Variants in ENPP6 observed in about 807,000 individuals in gnomAD.
ENPP6 encodes ectonucleotide pyrophosphatase/phosphodiesterase 6, also known as glycerophosphocholine cholinephosphodiesterase ENPP6.
ENPP6 carries 32 observed loss-of-function variants against 42.0 expected under a neutral mutation model. The observed-to-expected ratio is 0.76, with a 90% confidence interval of 0.58 to 1.02. ENPP6 has a LOEUF of 1.02. Among genes scored for constraint, ENPP6 ranks in the 50% least tolerant of loss-of-function variants. The probability of loss-of-function intolerance (pLI) is 0.00; values close to 1 mark genes in which losing one functional copy is unlikely to be tolerated. For synonymous variants in ENPP6, 213 were observed against 216.0 expected (o/e 0.99, Z 0.12); for missense variants, 552 against 566.8 (o/e 0.97, Z 0.27).
At chr4:184,185,039 A>G (rs1732608554) in intron 1 of ENPP6, among the ~76,000 whole-genome samples, 1 of 152,208 alleles carries the variant, frequency 6.6e-6, no homozygotes, top group Non-Finnish European at 1.5e-5. Context: ...ATGAGAGATA[A>G]TCAAAGAATT....
chr4:184,214,537 A>T (rs1561014629), intron 1 of ENPP6, among the ~76,000 whole-genome samples: 1 of 152,208 alleles, frequency 6.6e-6, no homozygotes, highest in Non-Finnish European at 1.5e-5. Context: ...TCCAGCCCTA[A>T]CTTTAAAATT....
chr4:184,140,120 A>AT (rs1256690955), intron 2 of ENPP6, among the ~76,000 whole-genome samples: 5 of 151,196 alleles, frequency 3.3e-5, no homozygotes, highest in African/African-American at 1.2e-4. Flanking sequence ...GATGGTGAGC[A>AT]TTTTTTCATG....
At chr4:184,214,690 A>G (rs968242907) in intron 1 of ENPP6, among the ~76,000 whole-genome samples, 1 of 152,232 alleles carries the variant, frequency 6.6e-6, no homozygotes, top group Non-Finnish European at 1.5e-5. Context: ...AGAGACATGG[A>G]TGAAGCTAGA....
At chr4:184,165,342 C>A (rs548179073) in intron 1 of ENPP6, among the ~76,000 whole-genome samples, 6 of 152,190 alleles carry the variant, frequency 3.9e-5, no homozygotes, top group Non-Finnish European at 8.8e-5. Flanking sequence ...TTCAAAGTGG[C>A]TGAGTGAGGA....
At chr4:184,167,816 G>A (rs1737377912) in intron 1 of ENPP6, among the ~76,000 whole-genome samples, 1 of 152,166 alleles carries the variant, frequency 6.6e-6, no homozygotes, top group Admixed American at 6.5e-5. Context: ...ATGATCACCG[G>A]TGATCTGCAT....
At chr4:184,190,075 TA>T (rs1732693059) in intron 1 of ENPP6, among the ~76,000 whole-genome samples, 1 of 152,184 alleles carries the variant, frequency 6.6e-6, no homozygotes, top group African/African-American at 2.4e-5. Flanking sequence ...GCAGGGGTGC[TA>T]AAATAGAAAA....
At chr4:184,134,737 C>A (rs1736704472) in intron 2 of ENPP6, among the ~76,000 whole-genome samples, 1 of 150,998 alleles carries the variant, frequency 6.6e-6, no homozygotes. Flanking sequence ...TTATTCATTT[C>A]TGCTCATCAT....
In ENPP6 at chr4:184,166,826, G is replaced by A. The variant is rs1429770205; in HGVS notation, c.242-13093C>T. Among the ~76,000 whole-genome samples the A allele has an allele frequency of 3.9e-5, 6 of 152,224 alleles. No individual in the cohort carries two copies. In the South Asian group the frequency reaches 1.2e-3, roughly 31 times the overall value. ...CCTCCGTCTTCTGGCTCGTGATAAA[G>A]CTTCCTTTTCCCACCCACTGTGCTC... On this transcript the variant is annotated intron_variant, in intron 1 of 7. Transcript: ENST00000296741.
intron 2 of ENPP6, among the ~76,000 whole-genome samples, chr4:184,139,101 G>C (rs932963472): frequency 2.6e-5 from 4 of 152,208 alleles, no homozygotes; most frequent in African/African-American, 9.6e-5. Context: ...ATGGAGACTG[G>C]ACAGGTGCAA....
At chr4:184,194,208 C>CCGCAAGCGT (rs1315788912) in intron 1 of ENPP6, among the ~76,000 whole-genome samples, 1 of 152,198 alleles carries the variant, frequency 6.6e-6, no homozygotes, top group East Asian at 1.9e-4. Context: ...CCTGAATGTC[C>CCGCAAGCGT]CGCAAGCGTC....
chr4:184,212,178 C>G (rs1227306483), intron 1 of ENPP6, among the ~76,000 whole-genome samples: 86 of 150,712 alleles, frequency 5.7e-4, no homozygotes, highest in African/African-American at 1.8e-3. Context: ...AAAACTGGCA[C>G]AAGACAGGGA....
intron 2 of ENPP6, among the ~76,000 whole-genome samples, chr4:184,127,626 G>A (rs1427336042): frequency 2.0e-5 from 3 of 152,276 alleles, no homozygotes; most frequent in Non-Finnish European, 4.4e-5. Context: ...GCGTAGTGCT[G>A]TGTGCCTGTA....
chr4:184,182,935 G>C (rs1732578931), intron 1 of ENPP6, among the ~76,000 whole-genome samples: 1 of 152,122 alleles, frequency 6.6e-6, no homozygotes, highest in Non-Finnish European at 1.5e-5. Flanking sequence ...TGGGTTGATA[G>C]GTGCAGCCAA....
At chr4:184,123,304 C>T (rs573470799) in intron 3 of ENPP6, among the ~76,000 whole-genome samples, 173 of 152,120 alleles carry the variant, frequency 1.1e-3, no homozygotes, top group Non-Finnish European at 2.0e-3. Flanking sequence ...GTACACTGTG[C>T]CTGGGTATGT....
At chr4:184,162,086 C>A (rs541913677) in intron 1 of ENPP6, among the ~76,000 whole-genome samples, 2 of 152,016 alleles carry the variant, frequency 1.3e-5, no homozygotes, top group South Asian at 2.1e-4. Flanking sequence ...AACTGCCCCC[C>A]TCCCCGCATG....
At position 184,098,552 on chromosome 4, in the gene ENPP6, G is replaced by T. The variant is rs74567039; in HGVS notation, c.994-1184C>A. ...CCTCTCCTCCGTTAATGAGCACACT[G>T]GAAGATGGCACCTTTGCTCCCCTTG... On this transcript the variant is annotated intron_variant, in intron 6 of 7. Coordinates refer to ENST00000296741, the MANE Select transcript of ENPP6 (RefSeq NM_153343.4). Among the ~76,000 whole-genome samples the T allele has an allele frequency of 6.1e-3, 924 of 152,266 alleles. 3 individuals are homozygous for T. The highest frequency in any genetic ancestry group is 0.01 in the Non-Finnish European group (702 of 68,022).
intron 1 of ENPP6, among the ~76,000 whole-genome samples, chr4:184,185,865 G>GA (rs1732626988): frequency 2.0e-5 from 3 of 152,206 alleles, no homozygotes; most frequent in Admixed American, 2.0e-4. Context: ...ATTCTTTTTT[G>GA]GCCATTGAGA....
intron 1 of ENPP6, among the ~76,000 whole-genome samples, chr4:184,196,174 A>G (rs1480541935): frequency 6.6e-6 from 1 of 152,236 alleles, no homozygotes; most frequent in Non-Finnish European, 1.5e-5. Flanking sequence ...CCCTTCCTCC[A>G]GGTTTCAAGC....
chr4:184,179,859 T>C (rs1248562096), intron 1 of ENPP6, among the ~76,000 whole-genome samples: 1 of 152,148 alleles, frequency 6.6e-6, no homozygotes, highest in Non-Finnish European at 1.5e-5. Context: ...ATCTCTGGGA[T>C]GCAGCTAAAG....
Sources: allele counts gnomAD v4.1 joint callset (sites outside exome capture counted in the v4.1 genomes callset), GRCh38; gene constraint gnomAD v4.1.1; transcripts MANE v1.5; gene names NCBI Gene and HGNC (gene_info 2026-07-23, HGNC 2026-07-21).